SUMF1: variants seen among roughly 807,000 people sequenced by gnomAD.
The protein encoded by SUMF1 is formylglycine-generating enzyme.
In SUMF1, 48 loss-of-function variants were observed where a neutral mutation model predicts 47.6. That is an observed-to-expected ratio of 1.01 (90% confidence interval 0.80 to 1.28). The LOEUF is 1.28. Ranked by LOEUF, SUMF1 falls within the 50% of genes most tolerant of loss-of-function variation. The pLI is 0.00. For missense variants in SUMF1, 571 were observed against 485.4 expected (o/e 1.18, Z -1.66); for synonymous variants, 230 against 192.1 (o/e 1.20, Z -1.63).
At chr3:4,408,907 A>G (rs1009451873) in intron 7 of SUMF1, among the ~76,000 whole-genome samples, 2 of 152,130 alleles carry the variant, frequency 1.3e-5, no homozygotes, top group African/African-American at 4.8e-5. Flanking sequence ...GGCTGCAGTG[A>G]GCTGAGATCA....
At chr3:4,464,738 T>C (rs946628456) in intron 1 of SUMF1, among the ~76,000 whole-genome samples, 4 of 152,158 alleles carry the variant, frequency 2.6e-5, no homozygotes, top group East Asian at 1.9e-4. Flanking sequence ...CCAAGGAAAA[T>C]AGAGAGATTA....
chr3:4,045,843 G>T (rs1167451526), intron 9 of SUMF1, among the ~76,000 whole-genome samples: 1 of 152,116 alleles, frequency 6.6e-6, no homozygotes, highest in Non-Finnish European at 1.5e-5. Flanking sequence ...CAAGTCTAAA[G>T]TATATGAGGT....
rs372249979 is a variant in SUMF1 at position 4,316,644 on chromosome 3, A to C, written c.1014+59686T>G. ...ATCTTCTCTTATTCTACGCAACCAC[A>C]ACGAACCATTTCTCGATCGGATTGT... is the stretch of plus-strand genomic sequence containing the variant. On this transcript the variant is annotated intron_variant and NMD_transcript_variant, in intron 8 of 12. Transcript: ENST00000448413. 2.1e-4 allele frequency: 323 copies of C among 1,551,274 alleles called. 9 individuals carry two copies. In the South Asian group the frequency reaches 3.6e-3, roughly 17 times the overall value.
rs116755155 is a variant in SUMF1, at chr3:4,307,979, G to A, written c.1014+68351C>T. Among the ~76,000 whole-genome samples the A allele has an allele frequency of 9.8e-3, 1,490 of 152,146 alleles. 15 individuals are homozygous for A. The highest frequency in any genetic ancestry group is 0.033 in the African/African-American group (1,352 of 41,496). On this transcript the variant is annotated intron_variant and NMD_transcript_variant, in intron 8 of 12. Transcript: ENST00000448413. ...TTGAGCCCAGCAGTTGGAGCCTGCA[G>A]TGAGCTATGATCATGCCATTGCACT...
chr3:4,375,697 C>T lies in SUMF1; in HGVS notation c.1014+633G>A, dbSNP rs1036847507. On this transcript the variant is annotated intron_variant, in intron 8 of 8. Transcript: ENST00000272902. ...GGATAGAAAGCTGGAGTTCAGGAGA[C>T]GTGAAAAATATATGACTCAAAGAAA... Among the ~76,000 whole-genome samples, 4 of 151,830 alleles carry T rather than the reference C, an allele frequency of 2.6e-5. No individual in the cohort carries two copies. In the South Asian group the frequency reaches 6.2e-4, roughly 24 times the overall value.
chr3:4,239,415 G>A (rs1696486915), intron 8 of SUMF1, among the ~76,000 whole-genome samples: 1 of 152,110 alleles, frequency 6.6e-6, no homozygotes, highest in African/African-American at 2.4e-5. Context: ...AGCATGGAAT[G>A]TTTTCCCATT....
At chr3:4,249,266 G>A (rs1187847846) in intron 8 of SUMF1, among the ~76,000 whole-genome samples, 4 of 152,108 alleles carry the variant, frequency 2.6e-5, no homozygotes, top group African/African-American at 9.7e-5. Flanking sequence ...ATAATATACA[G>A]ACAGTCTTAT....
chr3:4,303,352 C>T (rs766430532), intron 8 of SUMF1: 23 of 1,534,884 alleles, frequency 1.5e-5, no homozygotes, highest in East Asian at 1.1e-4. Flanking sequence ...GGGTAGTGGG[C>T]GTTGCGTGAG....
chr3:4,236,131 T>C (rs1475157126), intron 8 of SUMF1, among the ~76,000 whole-genome samples: 1 of 152,048 alleles, frequency 6.6e-6, no homozygotes, highest in Non-Finnish European at 1.5e-5. Flanking sequence ...AGATGGGGTT[T>C]TGCCATGTTG....
chr3:4,228,421 T>C (rs150300519), intron 8 of SUMF1, among the ~76,000 whole-genome samples: 15 of 152,080 alleles, frequency 9.9e-5, no homozygotes, highest in East Asian at 3.9e-4. Context: ...TGGTAGCAGA[T>C]GGCAAGTGAC....
chr3:4,383,077 GAA>G (rs66973528), intron 7 of SUMF1, among the ~76,000 whole-genome samples: 1,941 of 150,356 alleles, frequency 0.013, 53 homozygotes, highest in African/African-American at 0.044. Context: ...ATAATAAAAA[GAA>G]AAAAAAAAAG....
chr3:4,205,534 C>G (rs981205748), intron 8 of SUMF1, among the ~76,000 whole-genome samples: 3 of 152,184 alleles, frequency 2.0e-5, no homozygotes, highest in African/African-American at 4.8e-5. Context: ...TCTTCACACT[C>G]TGGGCTTGTT....
chr3:4,172,534 G>T (rs1694856302), intron 8 of SUMF1, among the ~76,000 whole-genome samples: 1 of 152,110 alleles, frequency 6.6e-6, no homozygotes, highest in African/African-American at 2.4e-5. Context: ...AAGATTATTA[G>T]CTCTGCTTTA....
intron 8 of SUMF1, chr3:4,313,276 C>G: frequency 1.2e-6 from 2 of 1,613,798 alleles, no homozygotes; most frequent in South Asian, 2.2e-5. Context: ...CTCTGAAGTT[C>G]AGAGAAGAAT....
chr3:4,454,657 C>G (rs987344083), intron 1 of SUMF1, among the ~76,000 whole-genome samples: 10 of 152,012 alleles, frequency 6.6e-5, no homozygotes, highest in African/African-American at 1.9e-4. Flanking sequence ...TCATAATAGC[C>G]AAAAAGCAGA....
At chr3:4,171,808 C>G (rs753670139) in intron 8 of SUMF1, among the ~76,000 whole-genome samples, 4 of 152,118 alleles carry the variant, frequency 2.6e-5, no homozygotes, top group Non-Finnish European at 5.9e-5. Context: ...AGAAAAAGCA[C>G]AAGCTAAGTT....
chr3:4,216,251 T>A (rs1695921326), intron 8 of SUMF1, among the ~76,000 whole-genome samples: 1 of 152,098 alleles, frequency 6.6e-6, no homozygotes, highest in South Asian at 2.1e-4. Context: ...TCTACAACCA[T>A]CTGATCTTTG....
chr3:4,269,148 T>G (rs1259305258), intron 8 of SUMF1, among the ~76,000 whole-genome samples: 2 of 152,162 alleles, frequency 1.3e-5, no homozygotes, highest in African/African-American at 4.8e-5. Flanking sequence ...GTGTTTTGGC[T>G]GTCTTTTGAT....
intron 7 of SUMF1, among the ~76,000 whole-genome samples, chr3:4,409,384 C>A (rs1401279255): frequency 6.6e-6 from 1 of 152,102 alleles, no homozygotes; most frequent in East Asian, 1.9e-4. Flanking sequence ...AGGATAAAGC[C>A]TGGGATTGGT....
Sources: gnomAD v4.1 joint callset for allele counts (sites outside exome capture counted in the v4.1 genomes callset) on GRCh38, gnomAD v4.1.1 for gene constraint, MANE v1.5 for transcripts, NCBI Gene and HGNC (gene_info 2026-07-23, HGNC 2026-07-21) for gene names.